Variants in DNAJC1 observed in about 807,000 individuals in gnomAD.
The protein encoded by DNAJC1 is dnaJ homolog subfamily C member 1.
Under a neutral mutation model 76.6 loss-of-function variants are expected in DNAJC1, and 58 were observed. The ratio of observed to expected loss-of-function variants is 0.76; its 90% CI spans 0.61 to 0.94. The LOEUF (loss-of-function observed/expected upper bound fraction) is 0.94, where lower values mean the gene tolerates loss of function less well. Among genes scored for constraint, DNAJC1 ranks in the 40% least tolerant of loss-of-function variants. The pLI, the probability that DNAJC1 is intolerant of heterozygous loss-of-function variation, is 0.00. For missense variants in DNAJC1, 689 were observed against 677.3 expected (o/e 1.02, Z -0.19); for synonymous variants, 258 against 267.9 (o/e 0.96, Z 0.36).
At chr10:21,862,375 C>G (rs1835929729) in intron 8 of DNAJC1, among the ~76,000 whole-genome samples, 1 of 151,508 alleles carries the variant, frequency 6.6e-6, no homozygotes, top group South Asian at 2.1e-4. Flanking sequence ...AAACCATATG[C>G]AAACAGGAGG....
At chr10:21,860,128 T>C (rs1184838295) in intron 8 of DNAJC1, among the ~76,000 whole-genome samples, 1 of 146,054 alleles carries the variant, frequency 6.8e-6, no homozygotes, top group East Asian at 2.0e-4. Flanking sequence ...AACTAGGACA[T>C]ACATTTATCT....
In DNAJC1 at chr10:21,928,651, G is replaced by A; in HGVS notation, c.325-99C>T. 5 of 909,612 alleles carry A rather than the reference G, an allele frequency of 5.5e-6. No homozygotes were observed. In the South Asian group the frequency reaches 7.0e-5, roughly 13 times the overall value. The allele number at this position is 909,612 out of a possible 1,614,324, so 56.3% of individuals were successfully genotyped here. ...ACAATACACATGCAGAAAATCCTAT[G>A]TGCCTATATATACAATAAACAGATG... On this transcript the variant is annotated intron_variant, in intron 2 of 11. Coordinates refer to ENST00000376980, the MANE Select transcript of DNAJC1 (RefSeq NM_022365.4).
intron 9 of DNAJC1, among the ~76,000 whole-genome samples, chr10:21,796,869 G>A (rs930627065): frequency 6.6e-6 from 1 of 152,084 alleles, no homozygotes; most frequent in Non-Finnish European, 1.5e-5. Flanking sequence ...TAAATGGTTT[G>A]CAAATATTTT....
At chr10:21,830,882 C>G (rs186887688) in intron 8 of DNAJC1, among the ~76,000 whole-genome samples, 1 of 152,284 alleles carries the variant, frequency 6.6e-6, no homozygotes, top group African/African-American at 2.4e-5. Context: ...GTGAACATTT[C>G]ATTTCTAAAA....
chr10:21,759,059 G>A (rs542743034), intron 11 of DNAJC1, 111 bp downstream of exon 11: 52 of 1,056,746 alleles, frequency 4.9e-5, no homozygotes, highest in Admixed American at 3.6e-4. Context: ...AAGAAATCAC[G>A]GGGCAGGTGT....
chr10:21,910,480 G>C (rs1261524819), intron 6 of DNAJC1, among the ~76,000 whole-genome samples: 1 of 151,942 alleles, frequency 6.6e-6, no homozygotes, highest in Non-Finnish European at 1.5e-5. Context: ...ATAATGTTTT[G>C]GTTCACTTTT....
intron 8 of DNAJC1, among the ~76,000 whole-genome samples, chr10:21,819,282 T>G (rs909257716): frequency 1.3e-5 from 2 of 151,724 alleles, no homozygotes; most frequent in Non-Finnish European, 2.9e-5. Flanking sequence ...GCATCTGTAG[T>G]CCCAGCTACC....
intron 8 of DNAJC1, among the ~76,000 whole-genome samples, chr10:21,822,861 C>T (rs1156405929): frequency 6.6e-6 from 1 of 151,224 alleles, no homozygotes; most frequent in African/African-American, 2.4e-5. Context: ...GATTTTTATC[C>T]TGGAAAATAA....
chr10:21,880,176 T>G (rs1836250199), intron 8 of DNAJC1, among the ~76,000 whole-genome samples: 1 of 152,244 alleles, frequency 6.6e-6, no homozygotes, highest in Non-Finnish European at 1.5e-5. Context: ...AGTCACATCT[T>G]CAGGCTCCAC....
chr10:21,849,449 C>T (rs1371844326), intron 8 of DNAJC1, among the ~76,000 whole-genome samples: 2 of 150,292 alleles, frequency 1.3e-5, no homozygotes, highest in Non-Finnish European at 3.0e-5. Flanking sequence ...AAATAGAGAA[C>T]AGATAAATAA....
chr10:21,913,453 T>C (rs1836900443), intron 6 of DNAJC1, among the ~76,000 whole-genome samples: 1 of 152,188 alleles, frequency 6.6e-6, no homozygotes, highest in Non-Finnish European at 1.5e-5. Context: ...GAGAAACTGA[T>C]GGTCTGAACA....
At chr10:21,989,861 G>A (rs1340427906) in intron 1 of DNAJC1, among the ~76,000 whole-genome samples, 1 of 152,090 alleles carries the variant, frequency 6.6e-6, no homozygotes. Context: ...AAGCCACTAG[G>A]GAGAGGTGAA....
intron 9 of DNAJC1, among the ~76,000 whole-genome samples, chr10:21,798,726 C>T (rs1204723103): frequency 6.6e-6 from 1 of 152,192 alleles, no homozygotes; most frequent in Non-Finnish European, 1.5e-5. Context: ...TTACTTGTCA[C>T]TACCCAAGAA....
intron 8 of DNAJC1, among the ~76,000 whole-genome samples, chr10:21,815,357 C>G (rs1835057869): frequency 6.6e-6 from 1 of 152,162 alleles, no homozygotes; most frequent in South Asian, 2.1e-4. Context: ...TAGATGTCCT[C>G]CTTGTGGGCC....
At chr10:21,933,722 C>T (rs1837264813) in intron 1 of DNAJC1, among the ~76,000 whole-genome samples, 1 of 152,194 alleles carries the variant, frequency 6.6e-6, no homozygotes, top group South Asian at 2.1e-4. Flanking sequence ...AACAATGAAT[C>T]GCATATATGA....
intron 8 of DNAJC1, among the ~76,000 whole-genome samples, chr10:21,849,101 C>T (rs1260519501): frequency 2.6e-5 from 4 of 151,410 alleles, no homozygotes; most frequent in Non-Finnish European, 5.9e-5. Context: ...ACCAATCTGG[C>T]CAACATGACA....
At chr10:21,780,019 A>G (rs1259103683) in intron 9 of DNAJC1, among the ~76,000 whole-genome samples, 1 of 152,192 alleles carries the variant, frequency 6.6e-6, no homozygotes, top group Non-Finnish European at 1.5e-5. Context: ...AATGAACGAA[A>G]TGAAGTGAGA....
chr10:21,806,560 C>T (rs927529310), intron 8 of DNAJC1, among the ~76,000 whole-genome samples: 9 of 151,714 alleles, frequency 5.9e-5, no homozygotes, highest in Non-Finnish European at 1.2e-4. Flanking sequence ...AAATAAAAAA[C>T]TTACAAGTAT....
chr10:21,813,212 C>CTA (rs1564794844), intron 8 of DNAJC1, among the ~76,000 whole-genome samples: 43 of 52,054 alleles, frequency 8.3e-4, no homozygotes, highest in Non-Finnish European at 1.2e-3. Context: ...CTCTCTCTCT[C>CTA]TCTCTCTCTA....
Sources: gnomAD v4.1 joint callset for allele counts (sites outside exome capture counted in the v4.1 genomes callset) on GRCh38, gnomAD v4.1.1 for gene constraint, MANE v1.5 for transcripts, NCBI Gene and HGNC (gene_info 2026-07-23, HGNC 2026-07-21) for gene names.